Variants in GNL1 observed in about 807,000 individuals in gnomAD.
GNL1 encodes guanine nucleotide-binding protein-like 1.
In GNL1, 21 loss-of-function variants were observed where a neutral mutation model predicts 75.2. The ratio of observed to expected loss-of-function variants is 0.28; its 90% confidence interval spans 0.20 to 0.40. GNL1 has a LOEUF of 0.40. Among genes scored for constraint, GNL1 ranks in the 10% least tolerant of loss-of-function variants. The pLI is 1.00. For synonymous variants in GNL1, 287 were observed against 303.4 expected, an observed-to-expected ratio of 0.95 and a Z score of 0.56; for missense variants, 579 against 775.0, an observed-to-expected ratio of 0.75 and a Z score of 3.00.
Position 30,556,229 on chromosome 6 carries a change from C to T in GNL1, c.-26G>A. On this transcript the variant is annotated 5_prime_UTR_variant, in exon 1 of 12. Transcript: ENST00000376621. The surrounding 1 kb of genome is among the most constrained non-coding windows in gnomAD (Gnocchi z 5.7). ...GGCCCGGACCAGTCACCTGGCCCGC[C>T]CTCCGCCGAGCTCCCGCCGCCTCAA... The T allele has an allele frequency of 6.2e-7, 1 of 1,600,322 alleles. No homozygotes were observed. Among genetic ancestry groups the T allele is most frequent in the Admixed American group, 1.7e-5 (1 of 59,994 alleles).
Position 30,546,700 on chromosome 6 carries a change from C to A in GNL1, c.1578G>T (p.Gln526His). The change falls in exon 11 of 12, where the codon CAG (glutamine) becomes CAT (histidine). Residue 526 changes from glutamine to histidine, a missense_variant. Physicochemically the swap from Gln to His is conservative, Grantham distance 24 (BLOSUM62 0). Coordinates refer to ENST00000376621, the MANE Select transcript of GNL1 (RefSeq NM_005275.5). The surrounding 1 kb of genome is among the most constrained non-coding windows in gnomAD (Gnocchi z 5.1). ...GAAGAATATCTGGGCTCTGACCTTT[C>A]TGTTCACTGTAGCCTGGGGGATGAA... ...LCFHPPGYSE[Q>H]KGTWESHPET... The A allele has an allele frequency of 6.2e-7, 1 of 1,605,008 alleles. No individual in the cohort carries two copies.
chr6:30,555,019 C>T lies in GNL1; in HGVS notation c.376+36G>A. 6.2e-7 allele frequency: 1 copy of T among 1,612,586 alleles called. No individual in the cohort carries two copies. The highest frequency in any genetic ancestry group is 1.3e-5 in the African/African-American group (1 of 75,018). The stretch of plus-strand genomic sequence containing the variant: ...AGTCGGCTTTTACCTTTCCAAACTC[C>T]TTCCCCAGCCCAATGCCTGTCTTGC... On this transcript the variant is annotated intron_variant, in intron 3 of 11. Coordinates refer to ENST00000376621, the MANE Select transcript of GNL1 (RefSeq NM_005275.5). This position sits in a 1 kb window ranked among gnomAD's most constrained non-coding sequence, Gnocchi z 4.3.
rs1290793929 is a variant in GNL1 at position 30,546,127 on chromosome 6, C to T, written c.1769G>A (p.Gly590Glu). 3 of 1,575,512 alleles carry T rather than the reference C, an allele frequency of 1.9e-6. No individual in the cohort carries two copies. The highest frequency in any genetic ancestry group is 2.6e-6 in the Non-Finnish European group (3 of 1,160,618). ...AGGGTTTCGGCCAGCCAGGCTGGACCCTGGAGCCGAGGTTGGGGTCTCCTC... is the reference window on the plus strand; with the variant it reads ...AGGGTTTCGGCCAGCCAGGCTGGACTCTGGAGCCGAGGTTGGGGTCTCCTC... The part of the protein sequence containing the change: ...GDEETPTSAP[G>E]SSLAGRNPYA... The change falls in exon 12 of 12, where the codon GGG becomes GAG. Residue 590 changes from glycine to glutamate, a missense_variant. Gly to Glu is a moderately conservative substitution (Grantham distance 98). Transcript: ENST00000376621. The surrounding 1 kb of genome is among the most constrained non-coding windows in gnomAD (Gnocchi z 5.1).
At position 30,553,376 on chromosome 6, in the gene GNL1, G is replaced by A; in HGVS notation, c.782C>T (p.Pro261Leu). The change falls in exon 6 of 12, where the codon CCC (proline) becomes CTC (leucine). Residue 261 changes from proline (P) to leucine (L), a missense_variant. By Grantham distance (98) the Pro-to-Leu change is moderately conservative. Coordinates refer to ENST00000376621, the MANE Select transcript of GNL1 (RefSeq NM_005275.5). Reference sequence around the variant, plus strand: ...ACTACTAGGGTCCTGTGGGGTGCGGGGGTCCCGAGGAAAAGAGGTGAAAAG... The same window carrying A: ...ACTACTAGGGTCCTGTGGGGTGCGGAGGTCCCGAGGAAAAGAGGTGAAAAG... ...VVLFTSFPRD[P>L]RTPQDPSSVL... 1.2e-6 allele frequency: 2 copies of A among 1,612,192 alleles called. No individual in the cohort carries two copies. The highest frequency in any genetic ancestry group is 1.7e-6 in the Non-Finnish European group (2 of 1,179,934).
In GNL1 at chr6:30,554,561, T is replaced by A. The variant is rs773645248; in HGVS notation, c.600+14A>T. On this transcript the variant is annotated intron_variant, in intron 5 of 11. Transcript: ENST00000376621. ...TCTCCCTCCTCCTTGCCCACCCTTA[T>A]CCCTAGTACTCACTGGATGTCGGAT... is the stretch of plus-strand genomic sequence containing the variant. 6.6e-7 allele frequency: 1 copy of A among 1,521,450 alleles called. No individual in the cohort carries two copies. Among genetic ancestry groups the A allele is most frequent in the Non-Finnish European group, 9.1e-7 (1 of 1,096,482 alleles). 94.2% of individuals were successfully genotyped at this position (1,521,450 alleles called of 1,614,324 possible).
rs5875263 is a variant in GNL1, at chr6:30,548,995, G to GTTT, written c.1100-1468_1100-1466dup. ...GTGACAACATGTTCCATCTGTCCTT[G>GTTT]TTTTTTTTGTTTTTGTTTTTGAGAC... On this transcript the variant is annotated intron_variant, in intron 8 of 11. Transcript: ENST00000376621. This position sits in a 1 kb window ranked among gnomAD's most constrained non-coding sequence, Gnocchi z 4.2. 6.6e-6 allele frequency among the ~76,000 whole-genome samples: 1 copy of GTTT among 151,562 alleles called. No individual in the cohort carries two copies. The highest frequency in any genetic ancestry group is 2.4e-5 in the African/African-American group (1 of 41,220).
Position 30,556,346 on chromosome 6 carries a change from G to A in GNL1, c.-143C>T, listed in dbSNP as rs536167970. 4.4e-4 allele frequency: 385 copies of A among 873,510 alleles called. No homozygotes were observed. The highest frequency in any genetic ancestry group is 6.3e-4 in the Non-Finnish European group (355 of 562,736). 54.1% of individuals were successfully genotyped at this position (873,510 alleles called of 1,614,324 possible). On this transcript the variant is annotated 5_prime_UTR_variant, in exon 1 of 12. Coordinates refer to ENST00000376621, the MANE Select transcript of GNL1 (RefSeq NM_005275.5). This position sits in a 1 kb window ranked among gnomAD's most constrained non-coding sequence, Gnocchi z 5.7. ...GTGACGTCAGCGGGCGGGCCCGACA[G>A]AATTACCGCCGCGGCGGCGATGGAA...
At chr6:30,549,579 CA>C (rs1799645939) in intron 8 of GNL1, among the ~76,000 whole-genome samples, 1 of 152,188 alleles carries the variant, frequency 6.6e-6, no homozygotes, top group African/African-American at 2.4e-5. Context: ...CACGGATCTT[CA>C]CATTGCCAAG....
rs987576973 is a variant in GNL1, at chr6:30,544,241, C to T, written c.*1831G>A. 1 of 152,214 alleles carries T rather than the reference C, an allele frequency of 6.6e-6. No individual in the cohort carries two copies. The highest frequency in any genetic ancestry group is 1.5e-5 in the Non-Finnish European group (1 of 68,078). The allele number at this position is 152,214 out of a possible 1,614,324, so 9.4% of individuals were successfully genotyped here. On this transcript the variant is annotated 3_prime_UTR_variant, in exon 12 of 12. Transcript: ENST00000376621. The stretch of plus-strand genomic sequence containing the variant: ...ATAAAAATCCCCCCTCCTCAGCTCC[C>T]AGTCAATTCTTCATCCCCACCCCTA...
intron 8 of GNL1, among the ~76,000 whole-genome samples, chr6:30,551,316 G>C (rs1799763912): frequency 6.6e-6 from 1 of 152,176 alleles, no homozygotes; most frequent in African/African-American, 2.4e-5. Context: ...GGACAGCCGG[G>C]TGAAATGACT....
chr6:30,555,420 G>C lies in GNL1; in HGVS notation c.239+135C>G. The C allele has an allele frequency of 9.9e-7, 1 of 1,007,754 alleles. No individual in the cohort carries two copies. 62.4% of individuals were successfully genotyped at this position (1,007,754 alleles called of 1,614,324 possible). On this transcript the variant is annotated intron_variant, in intron 2 of 11. Coordinates refer to ENST00000376621, the MANE Select transcript of GNL1 (RefSeq NM_005275.5). The surrounding 1 kb of genome is among the most constrained non-coding windows in gnomAD (Gnocchi z 4.3). The stretch of plus-strand genomic sequence containing the variant: ...GGAAAGGAAGACTGTGGCCCGCTGT[G>C]GGGAGCCGAGTGGCTAGCGGAGAAC...
chr6:30,555,652 T>G lies in GNL1; in HGVS notation c.142A>C (p.Thr48Pro). The G allele has an allele frequency of 6.2e-7, 1 of 1,614,046 alleles. No individual in the cohort carries two copies. The change falls in exon 2 of 12, where the codon ACC (threonine) becomes CCC (proline). Residue 48 changes from threonine to proline, a missense_variant. Transcript: ENST00000376621. This position sits in a 1 kb window ranked among gnomAD's most constrained non-coding sequence, Gnocchi z 4.3. ...SGSRERREEQ[T>P]DTSDGESVTH... The stretch of plus-strand genomic sequence containing the variant: ...ACAGACTCCCCGTCCGAGGTGTCGG[T>G]CTGTTCCTCTCGCCGCTCCCGGCTC...
chr6:30,553,842 C>G (rs1421282155), intron 5 of GNL1, among the ~76,000 whole-genome samples: 1 of 152,184 alleles, frequency 6.6e-6, no homozygotes, highest in Non-Finnish European at 1.5e-5. Context: ...AGGCTGGGAT[C>G]GGAAACAGGG....
At position 30,552,117 on chromosome 6, in the gene GNL1, G is replaced by T; in HGVS notation, c.1099+350C>A. 4.0e-6 allele frequency: 1 copy of T among 251,058 alleles called. No homozygotes were observed. Among genetic ancestry groups the T allele is most frequent in the Non-Finnish European group, 7.6e-6 (1 of 131,700 alleles). 15.6% of individuals were successfully genotyped at this position (251,058 alleles called of 1,614,324 possible). A position where few individuals can be genotyped will look rare whatever the true frequency, so the allele number is the denominator to read the frequency against. ...GGTCTCAAGCAATCCTCCCACCTCAGCCTCCCAAAGCGCTGGGACTATATA... is the reference window on the plus strand; with the variant it reads ...GGTCTCAAGCAATCCTCCCACCTCATCCTCCCAAAGCGCTGGGACTATATA... On this transcript the variant is annotated intron_variant, in intron 8 of 11. Transcript: ENST00000376621. This position sits in a 1 kb window ranked among gnomAD's most constrained non-coding sequence, Gnocchi z 4.5.
intron 8 of GNL1, among the ~76,000 whole-genome samples, chr6:30,551,742 C>T (rs780888138): frequency 1.3e-5 from 2 of 152,176 alleles, no homozygotes; most frequent in Non-Finnish European, 2.9e-5. Flanking sequence ...CCACTTAAAA[C>T]AGTGCCTGTT....
At chr6:30,549,716 T>C (rs1170817791) in intron 8 of GNL1, among the ~76,000 whole-genome samples, 1 of 152,112 alleles carries the variant, frequency 6.6e-6, no homozygotes, top group Non-Finnish European at 1.5e-5. Flanking sequence ...TTTTCCTCCT[T>C]CTCACTGTCC....
intron 8 of GNL1, among the ~76,000 whole-genome samples, chr6:30,550,923 T>A (rs1298617446): frequency 2.0e-5 from 3 of 152,146 alleles, no homozygotes; most frequent in Non-Finnish European, 4.4e-5. Context: ...AGGGAGGTTT[T>A]CCCTGAGCAC....
In GNL1 at chr6:30,542,373, CT is replaced by C; in HGVS notation, c.*3698del. 6.5e-6 allele frequency: 1 copy of C among 152,706 alleles called. No individual in the cohort carries two copies. The highest frequency in any genetic ancestry group is 1.5e-5 in the Non-Finnish European group (1 of 68,240). 9.5% of individuals were successfully genotyped at this position (152,706 alleles called of 1,614,324 possible). On this transcript the variant is annotated 3_prime_UTR_variant, in exon 12 of 12. Transcript: ENST00000376621. This position sits in a 1 kb window ranked among gnomAD's most constrained non-coding sequence, Gnocchi z 4.5. ...CTCACTGGCTCCTTTCCCTGCTCTCCTTTTTATATGTTTCCTGCTTTCTTCC... is the reference window on the plus strand; with the variant it reads ...CTCACTGGCTCCTTTCCCTGCTCTCCTTTTATATGTTTCCTGCTTTCTTCC...
rs1799465200 is a variant in GNL1 at position 30,546,542 on chromosome 6, T to C, written c.1582+154A>G. The C allele has an allele frequency of 8.3e-6, 6 of 725,886 alleles. No homozygotes were observed. Among genetic ancestry groups the C allele is most frequent in the Admixed American group, 2.6e-5 (1 of 39,128 alleles). 45.0% of individuals were successfully genotyped at this position (725,886 alleles called of 1,614,324 possible). A position where few individuals can be genotyped will look rare whatever the true frequency, so the allele number is the denominator to read the frequency against. On this transcript the variant is annotated intron_variant, in intron 11 of 11. Transcript: ENST00000376621. This position sits in a 1 kb window ranked among gnomAD's most constrained non-coding sequence, Gnocchi z 5.1. ...CTATGCTAAGGGTCAATTATTACCC[T>C]CAGTTTGCAGATCAGGAAAATATCA...
Sources: gnomAD v4.1 joint callset for allele counts (sites outside exome capture counted in the v4.1 genomes callset) on GRCh38, gnomAD v4.1.1 for gene constraint, Gnocchi (gnomAD v3.1) non-coding constraint, MANE v1.5 for transcripts, NCBI Gene and HGNC (gene_info 2026-07-23, HGNC 2026-07-21) for gene names.